The following CSMD1 variants were observed in gnomAD, a reference collection of about 807,000 sequenced individuals.
CSMD1 encodes CUB and Sushi multiple domains 1.
CSMD1 carries 213 observed loss-of-function variants against 417.5 expected under a neutral mutation model. That is an observed-to-expected ratio of 0.51 (90% confidence interval 0.46 to 0.57). The LOEUF is 0.57. Ranked by LOEUF, CSMD1 falls within the 20% of genes least tolerant of loss-of-function variation. The pLI, the probability that CSMD1 is intolerant of heterozygous loss-of-function variation, is 0.00. For missense variants in CSMD1, 6,923 were observed against 4,529.7 expected (o/e 1.53, Z -15.17); for synonymous variants, 2,862 against 1,736.8 (o/e 1.65, Z -16.11).
rs749381851 is a variant in CSMD1, at chr8:3,396,273, G to A, written c.2514C>T (p.Ile838=). The A allele has an allele frequency of 5.6e-6, 9 of 1,595,766 alleles. No homozygotes were observed. Among genetic ancestry groups the A allele is most frequent in the Non-Finnish European group, 6.8e-6 (8 of 1,171,052 alleles). ...GCAGGTACATGAAGTTCCCGGTGCT[G>A]ATGAGGAACTGGGGTGCCTGGGTGC... is the stretch of plus-strand genomic sequence containing the variant. ...YHGTQAPQFL[I]STGNFMYLLF... The change falls in exon 17 of 70, where the codon ATC becomes ATT. Residue 838 remains isoleucine (I), a synonymous_variant. Coordinates refer to ENST00000635120, the MANE Select transcript of CSMD1 (RefSeq NM_033225.6).
At chr8:4,122,901 G>A (rs1463444738) in intron 3 of CSMD1, among the ~76,000 whole-genome samples, 1 of 152,146 alleles carries the variant, frequency 6.6e-6, no homozygotes, top group Admixed American at 6.5e-5. Context: ...TAATAGCTAC[G>A]AGACCCTTTA....
At chr8:2,954,720 G>A (rs1802881091) in intron 64 of CSMD1, among the ~76,000 whole-genome samples, 1 of 152,124 alleles carries the variant, frequency 6.6e-6, no homozygotes, top group Non-Finnish European at 1.5e-5. Context: ...ATTGCAGAAT[G>A]TTCATTTTGG....
intron 9 of CSMD1, among the ~76,000 whole-genome samples, chr8:3,582,757 T>C (rs1800436649): frequency 1.3e-5 from 2 of 152,218 alleles, no homozygotes; most frequent in Admixed American, 1.3e-4. Flanking sequence ...GTTAGCATGA[T>C]ACTATTTGGG....
At chr8:3,737,136 G>C (rs562077736) in intron 6 of CSMD1, among the ~76,000 whole-genome samples, 1 of 152,320 alleles carries the variant, frequency 6.6e-6, no homozygotes, top group Non-Finnish European at 1.5e-5. Context: ...TCTTAAATTA[G>C]ATGGGAACAG....
chr8:4,736,019 G>T (rs1019729054), intron 1 of CSMD1, among the ~76,000 whole-genome samples: 5 of 152,222 alleles, frequency 3.3e-5, no homozygotes, highest in South Asian at 4.1e-4. Context: ...TGGAGCTGCT[G>T]GAGACACTCA....
chr8:4,906,545 C>G (rs1435529615), intron 1 of CSMD1, among the ~76,000 whole-genome samples: 1 of 150,274 alleles, frequency 6.7e-6, no homozygotes, highest in African/African-American at 2.4e-5. Context: ...ATAAGTTTGT[C>G]TTTTCAAGGT....
rs1352743307 is a variant in CSMD1, at chr8:2,937,220, C to A, written c.*1365G>T. 2 of 152,072 alleles carry A rather than the reference C, an allele frequency of 1.3e-5. No individual in the cohort carries two copies. Among genetic ancestry groups the A allele is most frequent in the African/African-American group, 4.8e-5 (2 of 41,406 alleles). 9.4% of individuals were successfully genotyped at this position (152,072 alleles called of 1,614,324 possible). A position where few individuals can be genotyped will look rare whatever the true frequency, so the allele number is the denominator to read the frequency against. ...AATGGAATTTAAACTTGAAAAGTCA[C>A]TGAAATTACCTTTCCATCTGGAATC... is the stretch of plus-strand genomic sequence containing the variant. On this transcript the variant is annotated 3_prime_UTR_variant, in exon 70 of 70. Coordinates refer to ENST00000635120, the MANE Select transcript of CSMD1 (RefSeq NM_033225.6).
intron 2 of CSMD1, among the ~76,000 whole-genome samples, chr8:4,528,745 T>G (rs989054035): frequency 6.6e-6 from 1 of 151,942 alleles, no homozygotes; most frequent in Non-Finnish European, 1.5e-5. Context: ...TTAAGTAAGA[T>G]GAGAATGCTG....
rs568475262 is a variant in CSMD1, at chr8:4,661,264, A to T, written c.86-23706T>A. ...AAATAAATTGTGTTACATCCATAACATCTAATACCACTCAGCAATAAAACA... is the reference window on the plus strand; with the variant it reads ...AAATAAATTGTGTTACATCCATAACTTCTAATACCACTCAGCAATAAAACA... On this transcript the variant is annotated intron_variant, in intron 1 of 69. Coordinates refer to ENST00000635120, the MANE Select transcript of CSMD1 (RefSeq NM_033225.6). Among the ~76,000 whole-genome samples, 29 of 152,318 alleles carry T rather than the reference A, an allele frequency of 1.9e-4. No homozygotes were observed. The South Asian group carries it at 5.8e-3, about 31-fold the overall frequency.
chr8:3,143,270 T>C (rs73657587), intron 40 of CSMD1, among the ~76,000 whole-genome samples: 7,518 of 152,232 alleles, frequency 0.049, 630 homozygotes, highest in African/African-American at 0.17. Flanking sequence ...ATAGCACAAG[T>C]TTATTAGTTT....
At chr8:4,224,148 C>G (rs545164821) in intron 3 of CSMD1, among the ~76,000 whole-genome samples, 1 of 152,062 alleles carries the variant, frequency 6.6e-6, no homozygotes, top group African/African-American at 2.4e-5. Context: ...AACTTTGTTT[C>G]GCTTACTACA....
chr8:3,232,846 T>G (rs1454165766), intron 26 of CSMD1, among the ~76,000 whole-genome samples: 1 of 152,098 alleles, frequency 6.6e-6, no homozygotes, highest in Non-Finnish European at 1.5e-5. Context: ...TTCTAGAAAT[T>G]TCAGTATGTA....
At chr8:4,109,492 T>A (rs1472538896) in intron 3 of CSMD1, among the ~76,000 whole-genome samples, 2 of 152,178 alleles carry the variant, frequency 1.3e-5, no homozygotes, top group East Asian at 3.9e-4. Flanking sequence ...ATCCCATACA[T>A]GCTGTGCATG....
intron 54 of CSMD1, among the ~76,000 whole-genome samples, chr8:2,987,907 C>G (rs144040246): frequency 3.3e-5 from 5 of 152,300 alleles, no homozygotes; most frequent in African/African-American, 1.2e-4. Flanking sequence ...CATTTAAGTT[C>G]TGCCATACAT....
intron 17 of CSMD1, among the ~76,000 whole-genome samples, chr8:3,393,250 G>A (rs1811455516): frequency 6.6e-6 from 1 of 152,154 alleles, no homozygotes; most frequent in African/African-American, 2.4e-5. Flanking sequence ...TCACAGTGCT[G>A]GAAAGTTCCA....
In CSMD1 at chr8:3,520,426, A is replaced by G. The variant is rs1368738000; in HGVS notation, c.1345-26700T>C. On this transcript the variant is annotated intron_variant, in intron 10 of 69. Coordinates refer to ENST00000635120, the MANE Select transcript of CSMD1 (RefSeq NM_033225.6). Reference sequence around the variant, plus strand: ...TATCATCACATACAGCTAAAAAAGCATATCTTAAAAATAAAACAATCTTAA... The same window carrying G: ...TATCATCACATACAGCTAAAAAAGCGTATCTTAAAAATAAAACAATCTTAA... Among the ~76,000 whole-genome samples the G allele has an allele frequency of 7.2e-5, 11 of 152,224 alleles. No homozygotes were observed. The South Asian group carries it at 1.2e-3, about 17-fold the overall frequency.
chr8:4,615,483 A>G (rs1456185657), intron 2 of CSMD1, among the ~76,000 whole-genome samples: 1 of 152,234 alleles, frequency 6.6e-6, no homozygotes, highest in Non-Finnish European at 1.5e-5. Flanking sequence ...AAGTAATTTA[A>G]TTGCTTACAA....
intron 3 of CSMD1, among the ~76,000 whole-genome samples, chr8:4,305,038 T>C (rs147801653): frequency 1.1e-3 from 164 of 152,160 alleles, no homozygotes; most frequent in African/African-American, 3.8e-3. Flanking sequence ...CACGTTAGAG[T>C]CCCTTTTCAA....
intron 1 of CSMD1, among the ~76,000 whole-genome samples, chr8:4,808,466 G>C (rs184610530): frequency 6.6e-6 from 1 of 152,162 alleles, no homozygotes; most frequent in East Asian, 1.9e-4. Flanking sequence ...CTTGAAGCTT[G>C]TATCTGTACT....
Sources: gnomAD v4.1 joint callset for allele counts (sites outside exome capture counted in the v4.1 genomes callset) on GRCh38, gnomAD v4.1.1 for gene constraint, MANE v1.5 for transcripts, NCBI Gene and HGNC (gene_info 2026-07-23, HGNC 2026-07-21) for gene names.